The following CNTN4 variants were observed in gnomAD, a reference collection of about 807,000 sequenced individuals.
The protein encoded by CNTN4 is contactin 4.
Under a neutral mutation model 122.5 loss-of-function variants are expected in CNTN4, and 77 were observed. That is an observed-to-expected ratio of 0.63 (90% confidence interval 0.52 to 0.76). CNTN4 has a LOEUF of 0.76. CNTN4 is among the 30% of genes least tolerant of loss of function. The pLI, the probability that CNTN4 is intolerant of heterozygous loss-of-function variation, is 0.00. For synonymous variants in CNTN4, 512 were observed against 447.0 expected (o/e 1.15, Z -1.83); for missense variants, 1,256 against 1,259.1 (o/e 1.00, Z 0.04).
intron 4 of CNTN4, among the ~76,000 whole-genome samples, chr3:2,598,142 T>C (rs542821308): frequency 6.6e-6 from 1 of 152,286 alleles, no homozygotes; most frequent in South Asian, 2.1e-4. Flanking sequence ...ATTGCCTTTC[T>C]TCCGACTTCC....
intron 8 of CNTN4, among the ~76,000 whole-genome samples, chr3:2,878,944 T>C (rs1032612499): frequency 6.6e-6 from 1 of 152,070 alleles, no homozygotes; most frequent in African/African-American, 2.4e-5. Flanking sequence ...TGCAAGTAAA[T>C]GGTCATGGAA....
chr3:2,863,889 G>A (rs1321770473), intron 7 of CNTN4, among the ~76,000 whole-genome samples: 2 of 152,094 alleles, frequency 1.3e-5, no homozygotes, highest in African/African-American at 4.8e-5. Flanking sequence ...AGGGAGGTGG[G>A]GGTAGAAAAC....
intron 7 of CNTN4, among the ~76,000 whole-genome samples, chr3:2,845,900 T>C (rs1341086688): frequency 2.0e-5 from 3 of 152,350 alleles, no homozygotes; most frequent in South Asian, 2.1e-4. Flanking sequence ...TTTTTCAAAA[T>C]AGATGTCAAC....
At chr3:2,708,707 C>G (rs765010465) in intron 4 of CNTN4, among the ~76,000 whole-genome samples, 2 of 150,834 alleles carry the variant, frequency 1.3e-5, no homozygotes, top group African/African-American at 2.5e-5. Flanking sequence ...TCCATGCACG[C>G]AGGCACGCGC....
At chr3:2,480,103 A>G (rs1410155327) in intron 3 of CNTN4, among the ~76,000 whole-genome samples, 1 of 151,720 alleles carries the variant, frequency 6.6e-6, no homozygotes, top group East Asian at 1.9e-4. Context: ...AACTAAGAAT[A>G]GAGAAGCGCT....
intron 6 of CNTN4, among the ~76,000 whole-genome samples, chr3:2,807,312 C>T (rs1051883713): frequency 6.6e-6 from 1 of 152,052 alleles, no homozygotes; most frequent in Non-Finnish European, 1.5e-5. Flanking sequence ...AAATCTAAAT[C>T]GATGATGAAT....
intron 23 of CNTN4, among the ~76,000 whole-genome samples, chr3:3,046,393 C>G (rs1700655968): frequency 6.6e-6 from 1 of 152,136 alleles, no homozygotes; most frequent in Admixed American, 6.6e-5. Flanking sequence ...GTCAGGTTAC[C>G]CACAAAGGGA....
intron 6 of CNTN4, among the ~76,000 whole-genome samples, chr3:2,791,260 G>T (rs990405468): frequency 2.0e-5 from 3 of 152,294 alleles, no homozygotes; most frequent in Admixed American, 6.5e-5. Context: ...GACTGGGCAT[G>T]GCGGCTCGCA....
intron 6 of CNTN4, among the ~76,000 whole-genome samples, chr3:2,793,468 C>G (rs1422490023): frequency 6.6e-6 from 1 of 152,008 alleles, no homozygotes; most frequent in Non-Finnish European, 1.5e-5. Context: ...TTGAGTTTTA[C>G]TGGATTTTTG....
At chr3:2,243,394 C>T (rs1013262825) in intron 2 of CNTN4, among the ~76,000 whole-genome samples, 3 of 152,058 alleles carry the variant, frequency 2.0e-5, no homozygotes, top group African/African-American at 7.2e-5. Flanking sequence ...AATTTCTAGG[C>T]CCATGTGTGG....
chr3:2,199,356 A>T (rs916555922), intron 2 of CNTN4, among the ~76,000 whole-genome samples: 16 of 148,138 alleles, frequency 1.1e-4, no homozygotes, highest in African/African-American at 3.7e-4. Context: ...TGTGTGTGTG[A>T]CTCTCTTTTT....
chr3:2,497,057 G>A (rs990244517), intron 3 of CNTN4, among the ~76,000 whole-genome samples: 16 of 152,088 alleles, frequency 1.1e-4, no homozygotes, highest in Admixed American at 8.5e-4. Context: ...ACATTGATGA[G>A]GGCAGATTAT....
intron 6 of CNTN4, among the ~76,000 whole-genome samples, chr3:2,761,876 A>G (rs1322685685): frequency 2.6e-5 from 4 of 152,186 alleles, no homozygotes; most frequent in African/African-American, 4.8e-5. Context: ...ATTCTCCTCT[A>G]TGTTTGAATA....
At chr3:2,539,420 A>T (rs1307906814) in intron 3 of CNTN4, among the ~76,000 whole-genome samples, 1 of 152,042 alleles carries the variant, frequency 6.6e-6, no homozygotes, top group Admixed American at 6.6e-5. Flanking sequence ...TTCTTTTGAG[A>T]CGTGTTTTGG....
chr3:2,213,861 C>A (rs1559347668), intron 2 of CNTN4, among the ~76,000 whole-genome samples: 1 of 152,124 alleles, frequency 6.6e-6, no homozygotes, highest in Non-Finnish European at 1.5e-5. Context: ...TTGCACACAA[C>A]TTTTTAAAAT....
chr3:2,552,164 A>G (rs1211306109), intron 3 of CNTN4, among the ~76,000 whole-genome samples: 1 of 152,198 alleles, frequency 6.6e-6, no homozygotes, highest in Non-Finnish European at 1.5e-5. Flanking sequence ...AAATGGGTTC[A>G]TAGATCTAGG....
At chr3:2,875,952 C>T (rs1047663101) in intron 8 of CNTN4, among the ~76,000 whole-genome samples, 7 of 152,146 alleles carry the variant, frequency 4.6e-5, no homozygotes, top group South Asian at 2.1e-4. Flanking sequence ...TACCGTCCAG[C>T]GCAAGCAGAG....
intron 2 of CNTN4, among the ~76,000 whole-genome samples, chr3:2,263,592 A>G (rs1290113116): frequency 6.6e-6 from 1 of 152,126 alleles, no homozygotes; most frequent in African/African-American, 2.4e-5. Context: ...TAACTGGGAT[A>G]CCTATTACCT....
At chr3:2,371,039 T>C (rs957712805) in intron 3 of CNTN4, among the ~76,000 whole-genome samples, 1 of 152,228 alleles carries the variant, frequency 6.6e-6, no homozygotes, top group Non-Finnish European at 1.5e-5. Flanking sequence ...TGTGAAGGTC[T>C]TTACTTGTTT....
Sources: allele counts gnomAD v4.1 joint callset (sites outside exome capture counted in the v4.1 genomes callset), GRCh38; gene constraint gnomAD v4.1.1; transcripts MANE v1.5; gene names NCBI Gene and HGNC (gene_info 2026-07-23, HGNC 2026-07-21).